Variants in TDP1 observed in about 807,000 individuals in gnomAD.
TDP1 encodes tyr-DNA phosphodiesterase 1.
A neutral mutation model predicts 81.5 loss-of-function variants in TDP1; 64 were observed. The observed-to-expected ratio is 0.79, with a 90% CI of 0.64 to 0.97. The LOEUF is 0.97. Ranked by LOEUF, TDP1 falls within the 50% of genes least tolerant of loss-of-function variation. TDP1 has a pLI of 0.00. For missense variants in TDP1, 723 were observed against 743.8 expected, an observed-to-expected ratio of 0.97 and a Z score of 0.33; for synonymous variants, 256 against 264.3, an observed-to-expected ratio of 0.97 and a Z score of 0.30.
chr14:89,966,891 A>G (rs1893005641), intron 4 of TDP1: 2 of 629,736 alleles, frequency 3.2e-6, no homozygotes, highest in Non-Finnish European at 4.0e-6. Flanking sequence ...TTAGAAGCCT[A>G]GTGAATGTCT....
At position 89,989,092 on chromosome 14, in the gene TDP1, T is replaced by C; in HGVS notation, c.1317+2T>C. 6.2e-7 allele frequency: 1 copy of C among 1,613,326 alleles called. No individual in the cohort carries two copies. Among genetic ancestry groups the C allele is most frequent in the Non-Finnish European group, 8.5e-7 (1 of 1,179,496 alleles). ...AAAAGCTCTGTTCCTCTTTACTTGGTGAGTTCTCGTCCTCATTGAGGTAGT... is the reference window on the plus strand; with the variant it reads ...AAAAGCTCTGTTCCTCTTTACTTGGCGAGTTCTCGTCCTCATTGAGGTAGT... On this transcript the variant is annotated splice_donor_variant, in intron 11 of 16. Transcript: ENST00000335725. LOFTEE classifies it high-confidence loss of function.
At chr14:90,025,398 T>A (rs1259833803) in intron 15 of TDP1, among the ~76,000 whole-genome samples, 2 of 152,228 alleles carry the variant, frequency 1.3e-5, no homozygotes, top group Non-Finnish European at 2.9e-5. Flanking sequence ...TTTTTTTTCT[T>A]GTTTTTTTAA....
At chr14:89,997,832 G>A (rs767021896) in intron 14 of TDP1, among the ~76,000 whole-genome samples, 5 of 151,920 alleles carry the variant, frequency 3.3e-5, no homozygotes, top group Non-Finnish European at 5.9e-5. Flanking sequence ...ATTCTATTTT[G>A]GGTATCAGAT....
At chr14:89,984,041 A>G in intron 8 of TDP1, 1 of 866,688 alleles carries the variant, frequency 1.2e-6, no homozygotes, top group Non-Finnish European at 1.4e-6. Context: ...TTTGGTATAG[A>G]TAACACAATT....
rs1343806773 is a variant in TDP1 at position 90,043,222 on chromosome 14, ACTTCC to A, written c.*83_*87del. On this transcript the variant is annotated 3_prime_UTR_variant, in exon 17 of 17. Coordinates refer to ENST00000335725, the MANE Select transcript of TDP1 (RefSeq NM_018319.4). ...AATCTCTTCTTTGTACTGGATGTCCACTTCCCTTAAAGTCTTATTTGCACCCTTAC... is the reference window on the plus strand; with the variant it reads ...AATCTCTTCTTTGTACTGGATGTCCACTTAAAGTCTTATTTGCACCCTTAC... 1.3e-6 allele frequency: 2 copies of A among 1,571,864 alleles called. No homozygotes were observed. Among genetic ancestry groups the A allele is most frequent in the African/African-American group, 2.7e-5 (2 of 73,028 alleles).
Position 89,963,314 on chromosome 14 carries a change from A to G in TDP1, c.200A>G (p.Asn67Ser). 1 of 1,614,232 alleles carries G rather than the reference A, an allele frequency of 6.2e-7. No individual in the cohort carries two copies. The highest frequency in any genetic ancestry group is 8.5e-7 in the Non-Finnish European group (1 of 1,180,038). Reference protein sequence around the residue: ...KRKISPVKFSNTDSVLPPKRQ... With the variant: ...KRKISPVKFSSTDSVLPPKRQ... ...AAAATATCACCTGTGAAATTCAGCA[A>G]TACAGATTCAGTTTTACCTCCCAAA... Residue 67 changes from asparagine to serine, a missense_variant, in exon 3 of 17, where the codon AAT becomes AGT. Physicochemically the swap from Asn to Ser is conservative, Grantham distance 46. Transcript: ENST00000335725.
intron 3 of TDP1, chr14:89,964,765 T>C (rs1041736450): frequency 2.7e-6 from 1 of 366,196 alleles, no homozygotes; most frequent in Non-Finnish European, 5.3e-6. Flanking sequence ...TTTTGCTCTA[T>C]ATAATAAAAT....
At chr14:90,033,080 C>A in intron 15 of TDP1, 26 bp from the exon 16 acceptor site, 1 of 1,478,330 alleles carries the variant, frequency 6.8e-7, no homozygotes, top group Non-Finnish European at 9.5e-7. Flanking sequence ...GGGGTGCAAT[C>A]ATAGATTTCC....
At position 90,043,827 on chromosome 14, in the gene TDP1, G is replaced by A. The variant is rs938324946; in HGVS notation, c.*684G>A. On this transcript the variant is annotated 3_prime_UTR_variant, in exon 17 of 17. Transcript: ENST00000335725. ...TGTCAGCTGTTGGGAATTGAAGATT[G>A]ACTTTGTGCTTCCACCCTCCATCCA... The A allele has an allele frequency of 1.3e-5, 2 of 152,386 alleles. No individual in the cohort carries two copies. The highest frequency in any genetic ancestry group is 4.8e-5 in the African/African-American group (2 of 41,434). The allele number at this position is 152,386 out of a possible 1,614,324, so 9.4% of individuals were successfully genotyped here.
chr14:89,961,325 C>T (rs1050479543), intron 2 of TDP1, among the ~76,000 whole-genome samples: 3 of 152,164 alleles, frequency 2.0e-5, no homozygotes, highest in Non-Finnish European at 4.4e-5. Context: ...CCAATGACAG[C>T]TGCAGTCATG....
chr14:89,997,222 CTG>C (rs1335702060), intron 14 of TDP1, among the ~76,000 whole-genome samples: 1 of 152,190 alleles, frequency 6.6e-6, no homozygotes, highest in Non-Finnish European at 1.5e-5. Context: ...CCTCTAGACT[CTG>C]TGAGGCCAAG....
At chr14:89,997,144 C>T (rs1033233356) in intron 14 of TDP1, among the ~76,000 whole-genome samples, 1 of 152,162 alleles carries the variant, frequency 6.6e-6, no homozygotes, top group Non-Finnish European at 1.5e-5. Context: ...CCATAATGCC[C>T]TAGATTCCTG....
intron 2 of TDP1, among the ~76,000 whole-genome samples, chr14:89,958,828 C>G (rs372671631): frequency 6.6e-6 from 1 of 152,174 alleles, no homozygotes; most frequent in Non-Finnish European, 1.5e-5. Flanking sequence ...TGCCTCCTGC[C>G]GCTATCACAT....
intron 15 of TDP1, among the ~76,000 whole-genome samples, chr14:90,032,159 T>A (rs1043941626): frequency 1.3e-5 from 2 of 152,134 alleles, no homozygotes; most frequent in African/African-American, 4.8e-5. Flanking sequence ...GCTTAATAAA[T>A]GCCAGAGAAA....
chr14:90,037,365 T>C (rs1887921513), intron 16 of TDP1, among the ~76,000 whole-genome samples: 1 of 152,204 alleles, frequency 6.6e-6, no homozygotes, highest in East Asian at 1.9e-4. Flanking sequence ...AAGCCTATCT[T>C]ATTTGGACTT....
At chr14:90,019,220 T>C in intron 14 of TDP1, 96 bp from the exon 15 acceptor site, 1 of 1,299,708 alleles carries the variant, frequency 7.7e-7, no homozygotes, top group Non-Finnish European at 1.1e-6. Context: ...ATTGCAGCTA[T>C]ATATTTTTTT....
Position 89,985,248 on chromosome 14 carries a change from T to A in TDP1, c.1131+38T>A, listed in dbSNP as rs35636984. ...TTACTATTTTAACATTTTTAAAAAA[T>A]TTAATGTATATTCTCTCTTTTAAAA... On this transcript the variant is annotated intron_variant, in intron 10 of 16. Transcript: ENST00000335725. The A allele has an allele frequency of 6.8e-3, 8,224 of 1,206,764 alleles. 272 individuals are homozygous for A. In the African/African-American group the frequency reaches 0.087, roughly 13 times the overall value. 74.8% of individuals were successfully genotyped at this position (1,206,764 alleles called of 1,614,324 possible). A position where few individuals can be genotyped will look rare whatever the true frequency, so the allele number is the denominator to read the frequency against.
intron 3 of TDP1, among the ~76,000 whole-genome samples, chr14:89,965,362 G>T (rs1399771945): frequency 6.6e-6 from 1 of 152,142 alleles, no homozygotes; most frequent in Non-Finnish European, 1.5e-5. Flanking sequence ...CTTTCTAGCT[G>T]TGTGTCTGTG....
At chr14:90,027,029 C>T (rs980020611) in intron 15 of TDP1, among the ~76,000 whole-genome samples, 4 of 152,162 alleles carry the variant, frequency 2.6e-5, no homozygotes, top group East Asian at 1.9e-4. Context: ...CTTGAGGAAT[C>T]GCCACACTGT....
Sources: allele counts gnomAD v4.1 joint callset (sites outside exome capture counted in the v4.1 genomes callset), GRCh38; gene constraint gnomAD v4.1.1; transcripts MANE v1.5; gene names NCBI Gene and HGNC (gene_info 2026-07-23, HGNC 2026-07-21).